DNAH17: variants seen among roughly 807,000 people sequenced by gnomAD.
DNAH17 encodes dynein axonemal heavy chain 17, also known as axonemal beta dynein heavy chain 17.
DNAH17 carries 376 observed loss-of-function variants against 485.6 expected under a neutral mutation model. The ratio of observed to expected loss-of-function variants is 0.77; its 90% CI spans 0.71 to 0.84. The LOEUF is 0.84. DNAH17 is among the 40% of genes least tolerant of loss of function. DNAH17 has a pLI of 0.00. For synonymous variants in DNAH17, 3,031 were observed against 2,405.9 expected, an observed-to-expected ratio of 1.26 and a Z score of -7.60; for missense variants, 6,370 against 5,839.3, an observed-to-expected ratio of 1.09 and a Z score of -2.96.
intron 48 of DNAH17, 68 bp downstream of exon 48, chr17:78,484,800 G>A (rs1568130600): frequency 7.3e-6 from 10 of 1,373,328 alleles, no homozygotes; most frequent in Admixed American, 2.9e-5. Flanking sequence ...CTCTTCCTGC[G>A]CCCCGCCCTG....
intron 42 of DNAH17, among the ~76,000 whole-genome samples, chr17:78,492,079 G>C (rs1313766316): frequency 6.6e-6 from 1 of 152,120 alleles, no homozygotes; most frequent in East Asian, 1.9e-4. Flanking sequence ...GGCCACTTCT[G>C]ATGGGTAGGG....
chr17:78,555,317 T>C (rs956809828), intron 14 of DNAH17, among the ~76,000 whole-genome samples: 3 of 152,094 alleles, frequency 2.0e-5, no homozygotes, highest in Admixed American at 1.3e-4. Context: ...ACACCCTACG[T>C]GAGAGAATCT....
Position 78,558,097 on chromosome 17 carries a change from C to G in DNAH17, c.2178+11G>C, listed in dbSNP as rs1354079351. On this transcript the variant is annotated intron_variant, in intron 14 of 80. Coordinates refer to ENST00000389840, the MANE Select transcript of DNAH17 (RefSeq NM_173628.4). ...AGCTGCATCAGGAATAGTACCGACT[C>G]ACCAACTCACCTCATTATACCAGCC... The G allele has an allele frequency of 6.2e-7, 1 of 1,610,732 alleles. No homozygotes were observed. The highest frequency in any genetic ancestry group is 1.1e-5 in the South Asian group (1 of 90,472).
At chr17:78,493,487 G>A (rs1247971211) in intron 41 of DNAH17, among the ~76,000 whole-genome samples, 1 of 152,236 alleles carries the variant, frequency 6.6e-6, no homozygotes, top group African/African-American at 2.4e-5. Flanking sequence ...GTGTATGTCC[G>A]AGTTCCTTTT....
rs1212877657 is a variant in DNAH17, at chr17:78,491,465, T to C, written c.6647A>G (p.Asn2216Ser). 6.2e-7 allele frequency: 1 copy of C among 1,613,144 alleles called. No homozygotes were observed. The highest frequency in any genetic ancestry group is 2.2e-5 in the East Asian group (1 of 44,848). ...DIDPMWIESL[N>S]TVMDDNKVLT... ...AACCTTGTTGTCATCCATGACTGTG[T>C]TGAGAGACTCGATCCACATGGGGTC... Residue 2216 changes from asparagine to serine, a missense_variant, in exon 43 of 81, where the codon AAC becomes AGC. Physicochemically the swap from Asn to Ser is conservative, Grantham distance 46. Coordinates refer to ENST00000389840, the MANE Select transcript of DNAH17 (RefSeq NM_173628.4).
chr17:78,543,840 C>T lies in DNAH17; in HGVS notation c.2532+17G>A, dbSNP rs1430776657. ...AAGCAAGTGGGTTCTCAAAAAACCT[C>T]CTGGGTGTTTCCTTACTGCAACCAT... On this transcript the variant is annotated intron_variant, in intron 17 of 80. Transcript: ENST00000389840. 6.2e-7 allele frequency: 1 copy of T among 1,613,992 alleles called. No individual in the cohort carries two copies. Among genetic ancestry groups the T allele is most frequent in the South Asian group, 1.1e-5 (1 of 91,084 alleles).
intron 54 of DNAH17, among the ~76,000 whole-genome samples, chr17:78,473,760 C>T (rs114627202): frequency 3.4e-4 from 52 of 152,172 alleles, no homozygotes; most frequent in African/African-American, 1.1e-3. Flanking sequence ...AGCAAGGAAA[C>T]GATGCCGTCA....
At chr17:78,561,183 G>A (rs936114780) in intron 12 of DNAH17, among the ~76,000 whole-genome samples, 6 of 152,040 alleles carry the variant, frequency 3.9e-5, no homozygotes, top group Admixed American at 6.6e-5. Context: ...GCTCCCGACC[G>A]CCAGGCCTGG....
Position 78,475,828 on chromosome 17 carries a change from A to G in DNAH17, c.8160T>C (p.Leu2720=). The G allele has an allele frequency of 6.2e-7, 1 of 1,607,178 alleles. No homozygotes were observed. Among genetic ancestry groups the G allele is most frequent in the Non-Finnish European group, 8.5e-7 (1 of 1,178,078 alleles). ...GCTTGGCAAATAAGAGTTCATCACC[A>G]AGATCCTAGAAAAAGAAAAAAAAAG... ...MASTKKFFDD[L]GDELLFAKPN... The change falls in exon 53 of 81, where the codon CTT becomes CTC. Residue 2720 remains leucine, a synonymous_variant. Transcript: ENST00000389840.
chr17:78,506,630 C>A (rs1021212413), intron 30 of DNAH17, 90 bp downstream of exon 30: 6 of 1,576,066 alleles, frequency 3.8e-6, no homozygotes, highest in Admixed American at 3.5e-5. Context: ...AGGACACTTA[C>A]CCCACCCTAG....
At position 78,479,728 on chromosome 17, in the gene DNAH17, G is replaced by C. The variant is rs925989759; in HGVS notation, c.7753-96C>G. 130 of 1,529,868 alleles carry C rather than the reference G, an allele frequency of 8.5e-5. 1 individual carries two copies. The South Asian group carries it at 1.5e-3, about 18-fold the overall frequency. 94.8% of individuals were successfully genotyped at this position (1,529,868 alleles called of 1,614,324 possible). A position where few individuals can be genotyped will look rare whatever the true frequency, so the allele number is the denominator to read the frequency against. On this transcript the variant is annotated intron_variant, in intron 49 of 80. Coordinates refer to ENST00000389840, the MANE Select transcript of DNAH17 (RefSeq NM_173628.4). The stretch of plus-strand genomic sequence containing the variant: ...GCGGGAGAGTGGCCCCTGTCCTCAT[G>C]TTCTAAGGTCTTTTGGGCATTGTCA...
At chr17:78,537,550 A>G (rs2091411902) in intron 18 of DNAH17, 69 bp from the exon 19 acceptor site, 5 of 1,530,842 alleles carry the variant, frequency 3.3e-6, no homozygotes, top group Non-Finnish European at 4.5e-6. Flanking sequence ...CAGTGCCCTG[A>G]TCATCCACTC....
chr17:78,449,574 A>T lies in DNAH17; in HGVS notation c.11051T>A (p.Val3684Glu), dbSNP rs981991662. 9 of 1,604,530 alleles carry T rather than the reference A, an allele frequency of 5.6e-6. No homozygotes were observed. The highest frequency in any genetic ancestry group is 1.3e-5 in the African/African-American group (1 of 74,478). The change falls in exon 69 of 81, where the codon GTG (valine) becomes GAG (glutamate). Residue 3684 changes from valine to glutamate, a missense_variant. Transcript: ENST00000389840. ...CCTCTGGATGGCTTTCTCAAACACC[A>T]CGTTGAAGGCCTGGGGATCCGCCAC... ...VYQFSLKAFN[V>E]VFEKAIQRTT...
At chr17:78,429,789 G>A (rs1395028204) in intron 75 of DNAH17, among the ~76,000 whole-genome samples, 7 of 152,174 alleles carry the variant, frequency 4.6e-5, no homozygotes, top group Admixed American at 4.6e-4. Context: ...TCAACCTTTT[G>A]GCCACGAAGT....
At chr17:78,425,756 C>CTTTTTTTTTTTTTTTTTTTTTTTT (rs71160294) in intron 79 of DNAH17, among the ~76,000 whole-genome samples, 185 bp from the exon 80 acceptor site, 2 of 120,770 alleles carry the variant, frequency 1.7e-5, no homozygotes, top group African/African-American at 7.6e-5. Flanking sequence ...TTGGTGTCTG[C>CTTTTTTTTTTTTTTTTTTTTTTTT]TTTTTTTTTT....
chr17:78,457,262 T>C (rs945803170), intron 62 of DNAH17, among the ~76,000 whole-genome samples: 75 of 152,048 alleles, frequency 4.9e-4, no homozygotes, highest in Non-Finnish European at 5.9e-4. Flanking sequence ...TCCCATCTAC[T>C]TGGGAGACTG....
At position 78,480,881 on chromosome 17, in the gene DNAH17, A is replaced by AT. The variant is rs977582756; in HGVS notation, c.7650-96dup. On this transcript the variant is annotated intron_variant, in intron 48 of 80. Transcript: ENST00000389840. ...TCCCAAGAATGCCCTCCTTATTATT[A>AT]TTTTTTTGAGACAGAGTCTCGCTCT... The AT allele has an allele frequency of 1.7e-4, 146 of 846,776 alleles. 1 individual carries two copies. The South Asian group carries it at 1.7e-3, about 10-fold the overall frequency. 52.5% of individuals were successfully genotyped at this position (846,776 alleles called of 1,614,324 possible).
chr17:78,551,670 A>G, intron 15 of DNAH17, 32 bp from the exon 16 acceptor site: 1 of 1,608,510 alleles, frequency 6.2e-7, no homozygotes, highest in Non-Finnish European at 8.5e-7. Context: ...ATCTTACAAA[A>G]TGAACAATTC....
intron 42 of DNAH17, 82 bp from the exon 43 acceptor site, chr17:78,491,652 T>C: frequency 6.6e-7 from 1 of 1,517,528 alleles, no homozygotes. Flanking sequence ...CTGGCCTCTC[T>C]CTCTGGGAGG....
Sources: allele counts gnomAD v4.1 joint callset (sites outside exome capture counted in the v4.1 genomes callset), GRCh38; gene constraint gnomAD v4.1.1; transcripts MANE v1.5; gene names NCBI Gene and HGNC (gene_info 2026-07-23, HGNC 2026-07-21).